The following SCLY variants were observed in gnomAD, a reference collection of about 807,000 sequenced individuals.
SCLY encodes putative selenocysteine lyase.
SCLY carries 38 observed loss-of-function variants against 50.1 expected under a neutral mutation model. That is an observed-to-expected ratio of 0.76 (90% CI 0.59 to 0.99). SCLY has a LOEUF of 0.99. Among genes scored for constraint, SCLY ranks in the 50% least tolerant of loss-of-function variants. SCLY has a pLI of 0.00. For missense variants in SCLY, 600 were observed against 620.0 expected, an observed-to-expected ratio of 0.97 and a Z score of 0.34; for synonymous variants, 243 against 249.4, an observed-to-expected ratio of 0.97 and a Z score of 0.24.
intron 4 of SCLY, among the ~76,000 whole-genome samples, chr2:238,078,187 C>A (rs1236340746): frequency 6.6e-6 from 1 of 152,158 alleles, no homozygotes; most frequent in African/African-American, 2.4e-5. Context: ...CTCCTGATCT[C>A]AGGTGATCCA....
chr2:238,082,280 C>T (rs1014587116), intron 6 of SCLY, 71 bp downstream of exon 6: 44 of 1,448,152 alleles, frequency 3.0e-5, no homozygotes, highest in Admixed American at 1.5e-4. Context: ...CTCCTCGGTC[C>T]GTAAGCCTCA....
intron 1 of SCLY, 180 bp downstream of exon 1, chr2:238,061,323 T>C (rs2250185): frequency 0.4 from 284,157 of 708,216 alleles, 59,835 homozygotes; most frequent in East Asian, 0.69. Context: ...GGGTGCGAGC[T>C]GTGGCCCCGC....
At chr2:238,086,454 TA>T (rs1044148131) in intron 7 of SCLY, among the ~76,000 whole-genome samples, 9 of 152,190 alleles carry the variant, frequency 5.9e-5, no homozygotes, top group Non-Finnish European at 1.5e-5. Flanking sequence ...CTCACACCTA[TA>T]ATCCCCCTGC....
chr2:238,061,283 A>T (rs542609473), intron 1 of SCLY, 140 bp downstream of exon 1: 1 of 739,104 alleles, frequency 1.4e-6, no homozygotes, highest in African/African-American at 1.7e-5. Flanking sequence ...AGGTCGGCCT[A>T]AGTCAGGGAT....
In SCLY at chr2:238,066,269, T is replaced by G. The variant is rs2065070763; in HGVS notation, c.203-1796T>G. On this transcript the variant is annotated intron_variant, in intron 2 of 11. Transcript: ENST00000254663. This position sits in a 1 kb window ranked among gnomAD's most constrained non-coding sequence, Gnocchi z 4.1. Reference sequence around the variant, plus strand: ...CCAGCCCACTGCAGTCACATCATAGTGACGGAAGCCTCTGGAAGGTTCACC... The same window carrying G: ...CCAGCCCACTGCAGTCACATCATAGGGACGGAAGCCTCTGGAAGGTTCACC... Among the ~76,000 whole-genome samples, 1 of 152,192 alleles carries G rather than the reference T, an allele frequency of 6.6e-6. No homozygotes were observed. Among genetic ancestry groups the G allele is most frequent in the Admixed American group, 6.5e-5 (1 of 15,274 alleles).
chr2:238,064,260 T>G, intron 1 of SCLY, 97 bp from the exon 2 acceptor site: 2 of 648,632 alleles, frequency 3.1e-6, no homozygotes, highest in South Asian at 2.2e-5. Flanking sequence ...GCCCTTGACA[T>G]TATTTGCTCC....
chr2:238,079,068 C>CTTTTTTTTTTTTTTTTTTTTT (rs59238768), intron 4 of SCLY: 1 of 93,186 alleles, frequency 1.1e-5, no homozygotes, highest in Non-Finnish European at 2.0e-5. Context: ...CTTTCTTTTT[C>CTTTTTTTTTTTTTTTTTTTTT]TTTTTTTTTT....
At chr2:238,065,660 T>TTTTTAATTATTA (rs71402758) in intron 2 of SCLY, among the ~76,000 whole-genome samples, 1 of 143,514 alleles carries the variant, frequency 7.0e-6, no homozygotes, top group Non-Finnish European at 1.5e-5. Context: ...AATATTTTAT[T>TTTTTAATTATTA]TTATTATTAT....
At chr2:238,089,779 C>T (rs183371862) in intron 7 of SCLY, among the ~76,000 whole-genome samples, 14 of 152,012 alleles carry the variant, frequency 9.2e-5, no homozygotes, top group Admixed American at 2.6e-4. Flanking sequence ...AAAATAGTGT[C>T]TCAAAATAGA....
rs1559254704 is a variant in SCLY, at chr2:238,098,623, C to CGCCCACATGGGAACGCCCACATAGGAA, written c.*268_*269insGCCCACATGGGAACGCCCACATAGGAA. 13 of 239,182 alleles carry CGCCCACATGGGAACGCCCACATAGGAA rather than the reference C, an allele frequency of 5.4e-5. 1 individual carries two copies. The highest frequency in any genetic ancestry group is 4.3e-4 in the African/African-American group (12 of 28,108). The allele number at this position is 239,182 out of a possible 1,614,324, so 14.8% of individuals were successfully genotyped here. A position where few individuals can be genotyped will look rare whatever the true frequency, so the allele number is the denominator to read the frequency against. On this transcript the variant is annotated 3_prime_UTR_variant, in exon 12 of 12. Coordinates refer to ENST00000254663, the MANE Select transcript of SCLY (RefSeq NM_016510.7). ...CCCACATAGGACCGCCCACATGGGA[C>CGCCCACATGGGAACGCCCACATAGGAA]CGCCCACATGGGACCGCCCACATGG...
At position 238,086,997 on chromosome 2, in the gene SCLY, C is replaced by T. The variant is rs998614485; in HGVS notation, c.884+3643C>T. 1.0e-4 allele frequency among the ~76,000 whole-genome samples: 15 copies of T among 144,192 alleles called. No homozygotes were observed. In the East Asian group the frequency reaches 3.1e-3, roughly 30 times the overall value. 94.6% of individuals were successfully genotyped at this position (144,192 alleles called of 152,430 possible). ...TCGCACCACTGCACGCCAGCCTGGGCAACAAGAGCAAAACTCCGTCTGAAA... is the reference window on the plus strand; with the variant it reads ...TCGCACCACTGCACGCCAGCCTGGGTAACAAGAGCAAAACTCCGTCTGAAA... On this transcript the variant is annotated intron_variant, in intron 7 of 11. Transcript: ENST00000254663.
Position 238,061,135 on chromosome 2 carries a change from G to A in SCLY, c.81G>A (p.Ser27=). ...CCAGCGGCTGCGGGAAACACAACTC[G>A]CCGGAGAGGTGCGCGCCTTTAGGGC... ...SQPSGCGKHN[S]PERKVYMDYN... Residue 27 remains serine (S), a synonymous_variant, in exon 1 of 12, where the codon TCG becomes TCA. Transcript: ENST00000254663. 1 of 1,478,256 alleles carries A rather than the reference G, an allele frequency of 6.8e-7. No individual in the cohort carries two copies. The allele number at this position is 1,478,256 out of a possible 1,614,324, so 91.6% of individuals were successfully genotyped here. A position where few individuals can be genotyped will look rare whatever the true frequency, so the allele number is the denominator to read the frequency against.
chr2:238,087,600 T>G (rs1486324679), intron 7 of SCLY, among the ~76,000 whole-genome samples: 1 of 152,214 alleles, frequency 6.6e-6, no homozygotes, highest in Non-Finnish European at 1.5e-5. Flanking sequence ...GAATTAACAT[T>G]TCTATACAGT....
chr2:238,070,202 T>G lies in SCLY; in HGVS notation c.484+725T>G, dbSNP rs373212503. On this transcript the variant is annotated intron_variant, in intron 4 of 11. Transcript: ENST00000254663. Reference sequence around the variant, plus strand: ...TGTTCACCAGGTGTAGATCATTAACTTGTAAAAATGGGGCAGCCAATTAAT... The same window carrying G: ...TGTTCACCAGGTGTAGATCATTAACGTGTAAAAATGGGGCAGCCAATTAAT... Among the ~76,000 whole-genome samples, 5 of 147,560 alleles carry G rather than the reference T, an allele frequency of 3.4e-5. No homozygotes were observed. The East Asian group carries it at 1.0e-3, about 30-fold the overall frequency.
Position 238,094,470 on chromosome 2 carries a change from C to T in SCLY, c.1056C>T (p.Thr352=), listed in dbSNP as rs368161522. 28 of 1,614,092 alleles carry T rather than the reference C, an allele frequency of 1.7e-5. 1 individual carries two copies. Among genetic ancestry groups the T allele is most frequent in the Admixed American group, 3.3e-5 (2 of 60,006 alleles). ...RIHLNSQFPG[T]QRLPNTCNFS... ...ATCTGAATAGCCAGTTTCCAGGCAC[C>T]CAGCGGCTTCCCAATACCTGTAACT... Residue 352 remains threonine (T), a synonymous_variant, in exon 10 of 12, where the codon ACC becomes ACT. Transcript: ENST00000254663.
At chr2:238,091,521 A>ATTAAT in intron 8 of SCLY, 3 of 437,210 alleles carry the variant, frequency 6.9e-6, no homozygotes, top group East Asian at 4.1e-5. Context: ...CTGTTACAGC[A>ATTAAT]GAGGTGAAGT....
intron 4 of SCLY, 138 bp from the exon 5 acceptor site, chr2:238,081,571 T>C (rs1005207523): frequency 8.1e-7 from 1 of 1,239,322 alleles, no homozygotes; most frequent in Non-Finnish European, 1.1e-6. Flanking sequence ...GGGCGGCTTA[T>C]ATTCTTCTTT....
At chr2:238,091,295 G>A (rs1372588150) in intron 8 of SCLY, 41 bp downstream of exon 8, 19 of 1,552,656 alleles carry the variant, frequency 1.2e-5, no homozygotes, top group Non-Finnish European at 1.7e-5. Context: ...TGATTGCTTT[G>A]TCATCAGTGT....
intron 2 of SCLY, among the ~76,000 whole-genome samples, chr2:238,065,263 C>T (rs1204899542): frequency 6.6e-6 from 1 of 152,220 alleles, no homozygotes; most frequent in Non-Finnish European, 1.5e-5. Context: ...ACTAGTCATT[C>T]ATTAACTTAT....
Sources: gnomAD v4.1 joint callset for allele counts (sites outside exome capture counted in the v4.1 genomes callset) on GRCh38, gnomAD v4.1.1 for gene constraint, Gnocchi (gnomAD v3.1) non-coding constraint, MANE v1.5 for transcripts, NCBI Gene and HGNC (gene_info 2026-07-23, HGNC 2026-07-21) for gene names.